COPS3: variants seen among roughly 807,000 people sequenced by gnomAD.
COPS3 encodes COP9 signalosome subunit 3.
A neutral mutation model predicts 58.2 loss-of-function variants in COPS3; 10 were observed. That is an observed-to-expected ratio of 0.17 (90% confidence interval 0.11 to 0.29). The LOEUF (loss-of-function observed/expected upper bound fraction) is 0.29, where lower values mean the gene tolerates loss of function less well. Ranked by LOEUF, COPS3 falls within the 10% of genes least tolerant of loss-of-function variation. The pLI, the probability that COPS3 is intolerant of heterozygous loss-of-function variation, is 1.00. For missense variants in COPS3, 333 were observed against 510.1 expected, an observed-to-expected ratio of 0.65 and a Z score of 3.34; for synonymous variants, 187 against 181.7, an observed-to-expected ratio of 1.03 and a Z score of -0.24.
intron 7 of COPS3, chr17:17,260,810 A>G (rs41283373): frequency 5.9e-6 from 1 of 168,564 alleles, no homozygotes; most frequent in Non-Finnish European, 1.3e-5. Context: ...CTCAAAAAAA[A>G]AAAAAAAACC....
At chr17:17,267,784 A>G in intron 5 of COPS3, 101 bp downstream of exon 5, 2 of 1,206,496 alleles carry the variant, frequency 1.7e-6, no homozygotes, top group South Asian at 1.5e-5. Context: ...ACACATCACA[A>G]TATCGCCAAC....
chr17:17,260,612 T>C, intron 7 of COPS3, 138 bp from the exon 8 acceptor site: 1 of 662,138 alleles, frequency 1.5e-6, no homozygotes, highest in East Asian at 2.8e-5. Flanking sequence ...AACACCAGCC[T>C]GACCAACATG....
At chr17:17,249,398 A>C (rs1180028342) in intron 9 of COPS3, among the ~76,000 whole-genome samples, 2 of 152,124 alleles carry the variant, frequency 1.3e-5, no homozygotes, top group African/African-American at 4.8e-5. Flanking sequence ...TTCTTGGCTC[A>C]CTGCAACCTC....
At chr17:17,266,110 A>G (rs985827207) in intron 5 of COPS3, among the ~76,000 whole-genome samples, 1 of 152,224 alleles carries the variant, frequency 6.6e-6, no homozygotes, top group African/African-American at 2.4e-5. Context: ...ATATGAAACT[A>G]GAACATGTGT....
chr17:17,264,724 T>C, intron 6 of COPS3, 78 bp downstream of exon 6: 3 of 1,286,762 alleles, frequency 2.3e-6, no homozygotes, highest in Non-Finnish European at 2.2e-6. Context: ...ATCAGACCAC[T>C]CTAGCCACAA....
intron 1 of COPS3, among the ~76,000 whole-genome samples, chr17:17,279,982 T>C (rs1000022699): frequency 2.0e-5 from 3 of 152,174 alleles, no homozygotes; most frequent in Admixed American, 2.0e-4. Flanking sequence ...AATGGAGTCC[T>C]GGCCGGGCGC....
In COPS3 at chr17:17,254,786, G is replaced by A. The variant is rs572782367; in HGVS notation, c.1023+73C>T. 4 of 887,918 alleles carry A rather than the reference G, an allele frequency of 4.5e-6. No individual in the cohort carries two copies. The East Asian group carries it at 1.3e-4, about 29-fold the overall frequency. 55.0% of individuals were successfully genotyped at this position (887,918 alleles called of 1,614,324 possible). ...GACTGTGCCACTACACTCCAGCCTG[G>A]TGACAGAGCGAGACTCCATCTCAAA... On this transcript the variant is annotated intron_variant, in intron 9 of 11. Coordinates refer to ENST00000268717, the MANE Select transcript of COPS3 (RefSeq NM_003653.4).
chr17:17,268,038 T>A, intron 4 of COPS3, 61 bp from the exon 5 acceptor site: 4 of 1,581,024 alleles, frequency 2.5e-6, no homozygotes, highest in Non-Finnish European at 3.4e-6. Context: ...TTGGATCTTA[T>A]GTTGTCACTT....
chr17:17,280,680 A>T, intron 1 of COPS3: 1 of 1,304,684 alleles, frequency 7.7e-7, no homozygotes, highest in Non-Finnish European at 1.0e-6. Context: ...CATAGAGCCA[A>T]GACACCCAGA....
intron 5 of COPS3, among the ~76,000 whole-genome samples, chr17:17,267,244 G>A (rs556639805): frequency 7.3e-4 from 110 of 150,850 alleles, no homozygotes; most frequent in Admixed American, 3.5e-3. Context: ...AGGCTGAGGC[G>A]GGAGAATGGC....
At chr17:17,247,410 T>C (rs1468196585) in intron 11 of COPS3, 70 bp downstream of exon 11, 3 of 1,381,356 alleles carry the variant, frequency 2.2e-6, no homozygotes, top group Admixed American at 1.7e-5. Flanking sequence ...ACTTAGTTCC[T>C]GTGCCTGATG....
chr17:17,260,280 T>G, intron 8 of COPS3, 21 bp downstream of exon 8: 4 of 1,610,804 alleles, frequency 2.5e-6, no homozygotes, highest in Non-Finnish European at 3.4e-6. Context: ...AGCTGCCCTG[T>G]GAAGGTGGCA....
At chr17:17,271,180 A>G (rs2048332609) in intron 2 of COPS3, among the ~76,000 whole-genome samples, 172 bp from the exon 3 acceptor site, 1 of 152,208 alleles carries the variant, frequency 6.6e-6, no homozygotes, top group Non-Finnish European at 1.5e-5. Flanking sequence ...CCGTAATCCA[A>G]GCACTTTGGG....
intron 9 of COPS3, among the ~76,000 whole-genome samples, chr17:17,252,522 A>C (rs2047873304): frequency 6.6e-6 from 1 of 152,138 alleles, no homozygotes; most frequent in Non-Finnish European, 1.5e-5. Context: ...AGACGCCAGT[A>C]GCACCCCCAT....
rs1335083871 is a variant in COPS3 at position 17,256,360 on chromosome 17, T to C, written c.937-1415A>G. Among the ~76,000 whole-genome samples, 5 of 152,120 alleles carry C rather than the reference T, an allele frequency of 3.3e-5. No individual in the cohort carries two copies. In the East Asian group the frequency reaches 7.7e-4, roughly 23 times the overall value. On this transcript the variant is annotated intron_variant, in intron 8 of 11. Transcript: ENST00000268717. The stretch of plus-strand genomic sequence containing the variant: ...AAATGTATAATCTATTAAATATAAT[T>C]GAAAAAATAACATTCATCATTCAAA...
At chr17:17,251,479 G>A (rs569473459) in intron 9 of COPS3, among the ~76,000 whole-genome samples, 24 of 151,722 alleles carry the variant, frequency 1.6e-4, no homozygotes, top group Admixed American at 4.6e-4. Flanking sequence ...TGTATTTTTA[G>A]TAGAGACGGG....
rs151264700 is a variant in COPS3 at position 17,276,638 on chromosome 17, G to A, written c.56-474C>T. On this transcript the variant is annotated intron_variant, in intron 1 of 11. Transcript: ENST00000268717. ...GGCTGGAGTGCAGTGGCGCAATCTC[G>A]GTTCACTACAACCTCCGCCCTCCAA... 5.2e-4 allele frequency among the ~76,000 whole-genome samples: 78 copies of A among 151,124 alleles called. 3 individuals carry two copies. The East Asian group carries it at 9.7e-3, about 19-fold the overall frequency.
At chr17:17,272,020 G>A (rs923390054) in intron 2 of COPS3, among the ~76,000 whole-genome samples, 13 of 151,594 alleles carry the variant, frequency 8.6e-5, no homozygotes, top group African/African-American at 3.1e-4. Flanking sequence ...GGTGGCTCAA[G>A]CCTGTAATCC....
In COPS3 at chr17:17,263,905, C is replaced by A. The variant is rs184829395; in HGVS notation, c.621+897G>T. On this transcript the variant is annotated intron_variant, in intron 6 of 11. Coordinates refer to ENST00000268717, the MANE Select transcript of COPS3 (RefSeq NM_003653.4). ...ATATTTGGCTACAGCAATGATAATG[C>A]ATCCAGTGGCTACGAAGTGCATTTT... Among the ~76,000 whole-genome samples, 278 of 152,348 alleles carry A rather than the reference C, an allele frequency of 1.8e-3. 1 individual carries two copies. Among genetic ancestry groups the A allele is most frequent in the African/African-American group, 6.3e-3 (264 of 41,590 alleles).
Sources: allele counts gnomAD v4.1 joint callset (sites outside exome capture counted in the v4.1 genomes callset), GRCh38; gene constraint gnomAD v4.1.1; transcripts MANE v1.5; gene names NCBI Gene and HGNC (gene_info 2026-07-23, HGNC 2026-07-21).